KDM2A: variants seen among roughly 807,000 people sequenced by gnomAD.
The protein encoded by KDM2A is lysine demethylase 2A.
KDM2A carries 3 observed loss-of-function variants against 137.3 expected under a neutral mutation model. That is an observed-to-expected ratio of 0.02 (90% confidence interval 0.01 to 0.06). KDM2A has a LOEUF of 0.06. Among genes scored for constraint, KDM2A ranks in the 10% least tolerant of loss-of-function variants. The pLI, the probability that KDM2A is intolerant of heterozygous loss-of-function variation, is 1.00. For missense variants in KDM2A, 738 were observed against 1,510.6 expected (o/e 0.49, Z 8.48); for synonymous variants, 512 against 541.5 (o/e 0.95, Z 0.76).
intron 5 of KDM2A, among the ~76,000 whole-genome samples, chr11:67,183,541 G>T (rs1266806993): frequency 6.6e-6 from 1 of 152,214 alleles, no homozygotes; most frequent in Non-Finnish European, 1.5e-5. Context: ...CTATTTTGGA[G>T]TTCAGGAGTC....
Position 67,245,928 on chromosome 11 carries a change from C to T in KDM2A, c.1834-57C>T, listed in dbSNP as rs891026791. 1.1e-5 allele frequency: 17 copies of T among 1,597,276 alleles called. No individual in the cohort carries two copies. The highest frequency in any genetic ancestry group is 1.5e-5 in the Non-Finnish European group (17 of 1,168,232). On this transcript the variant is annotated intron_variant, in intron 14 of 20. Transcript: ENST00000529006. This position sits in a 1 kb window ranked among gnomAD's most constrained non-coding sequence, Gnocchi z 4.1. ...TCTCCCATCTTCAGTTTAAGGGAAA[C>T]TGAAATGATAAAGATCTGAGTCAGT...
chr11:67,159,504 C>T (rs764382533), intron 2 of KDM2A, among the ~76,000 whole-genome samples: 2 of 152,186 alleles, frequency 1.3e-5, no homozygotes, highest in Non-Finnish European at 2.9e-5. Flanking sequence ...TGATTGAGCA[C>T]TTCAAATTGT....
chr11:67,216,891 G>T (rs1858178232), intron 8 of KDM2A, among the ~76,000 whole-genome samples: 1 of 151,660 alleles, frequency 6.6e-6, no homozygotes, highest in South Asian at 2.1e-4. Context: ...TTGCACTCTA[G>T]CCTGGGCAAC....
Position 67,254,276 on chromosome 11 carries a change from G to A in KDM2A, c.3165G>A (p.Thr1055=), listed in dbSNP as rs145959754. ...CAGGCCTTGACATCACAGATGCCAC[G>A]CTTCGCCTCATAATTCGCCACATGC... is the stretch of plus-strand genomic sequence containing the variant. ...RLAGLDITDA[T]LRLIIRHMPL... is the part of the protein sequence containing the mutation. The change falls in exon 20 of 21, where the codon ACG becomes ACA. Residue 1055 remains threonine, a synonymous_variant. Coordinates refer to ENST00000529006, the MANE Select transcript of KDM2A (RefSeq NM_012308.3). This position sits in a 1 kb window ranked among gnomAD's most constrained non-coding sequence, Gnocchi z 4.7. 2.4e-4 allele frequency: 395 copies of A among 1,614,008 alleles called. 1 individual carries two copies. The East Asian group carries it at 5.6e-3, about 23-fold the overall frequency.
Position 67,231,937 on chromosome 11 carries a change from G to A in KDM2A, c.1456G>A (p.Asp486Asn). The A allele has an allele frequency of 6.2e-7, 1 of 1,613,432 alleles. No homozygotes were observed. The highest frequency in any genetic ancestry group is 2.2e-5 in the East Asian group (1 of 44,888). Residue 486 changes from aspartate to asparagine, a missense_variant, in exon 12 of 21, where the codon GAT becomes AAT. Asp to Asn is a conservative substitution (Grantham distance 23). Transcript: ENST00000529006. Reference protein sequence around the residue: ...KCVPTGIEDEDALIADVKILL... With the variant: ...KCVPTGIEDENALIADVKILL... ...TGTCCCCACAGGGATAGAAGATGAAGATGCTCTCATTGCTGATGTAAAGGT... is the reference window on the plus strand; with the variant it reads ...TGTCCCCACAGGGATAGAAGATGAAAATGCTCTCATTGCTGATGTAAAGGT...
rs1370262442 is a variant in KDM2A at position 67,254,393 on chromosome 11, C to T, written c.3282C>T (p.Tyr1094=). The T allele has an allele frequency of 6.2e-7, 1 of 1,614,036 alleles. No individual in the cohort carries two copies. Among genetic ancestry groups the T allele is most frequent in the South Asian group, 1.1e-5 (1 of 91,086 alleles). The change falls in exon 20 of 21, where the codon TAC becomes TAT. Residue 1094 remains tyrosine (Y), a synonymous_variant. Transcript: ENST00000529006. This position sits in a 1 kb window ranked among gnomAD's most constrained non-coding sequence, Gnocchi z 4.7. ...CTGCTGTCGGGTCTTCCACTCGCTACTCTCTCACAGAGCTCAATATGGCAG... is the reference window on the plus strand; with the variant it reads ...CTGCTGTCGGGTCTTCCACTCGCTATTCTCTCACAGAGCTCAATATGGCAG... ...LLTAVGSSTR[Y]SLTELNMAGC... is the part of the protein sequence containing the mutation.
intron 2 of KDM2A, among the ~76,000 whole-genome samples, chr11:67,170,523 C>T (rs1050268325): frequency 6.6e-6 from 1 of 151,182 alleles, no homozygotes; most frequent in African/African-American, 2.4e-5. Flanking sequence ...CACCATTCTC[C>T]TGCCTGAGCC....
chr11:67,126,875 T>C (rs1039119685), intron 2 of KDM2A, among the ~76,000 whole-genome samples: 2 of 152,138 alleles, frequency 1.3e-5, no homozygotes, highest in Non-Finnish European at 2.9e-5. Context: ...GTGGAACAGC[T>C]AGGAAATGAC....
chr11:67,181,874 G>A lies in KDM2A; in HGVS notation c.289G>A (p.Asp97Asn). 1 of 1,613,782 alleles carries A rather than the reference G, an allele frequency of 6.2e-7. No individual in the cohort carries two copies. Among genetic ancestry groups the A allele is most frequent in the Non-Finnish European group, 8.5e-7 (1 of 1,179,796 alleles). Residue 97 changes from aspartate (D) to asparagine (N), a missense_variant, in exon 5 of 21, where the codon GAT becomes AAT. By Grantham distance (23) the Asp-to-Asn change is conservative. Coordinates refer to ENST00000529006, the MANE Select transcript of KDM2A (RefSeq NM_012308.3). ...KMPDPDFTVNDVKMCVGSRRM... is the reference protein window; with the variant it reads ...KMPDPDFTVNNVKMCVGSRRM... ...GCCGGATCCAGACTTCACTGTGAAT[G>A]ATGTCAAAATGTGTGTGGGTAAGTG... is the stretch of plus-strand genomic sequence containing the variant.
At chr11:67,166,762 T>C (rs1197614990) in intron 2 of KDM2A, among the ~76,000 whole-genome samples, 1 of 151,988 alleles carries the variant, frequency 6.6e-6, no homozygotes, top group African/African-American at 2.4e-5. Context: ...CTGGTTCAGG[T>C]TGGAAACTGA....
intron 5 of KDM2A, chr11:67,196,774 T>G (rs560778352): frequency 3.4e-4 from 87 of 256,524 alleles, no homozygotes; most frequent in Non-Finnish European, 6.0e-4. Flanking sequence ...AACAGAGTTA[T>G]GGAGATGGAT....
chr11:67,217,960 A>G, intron 9 of KDM2A, 76 bp downstream of exon 9: 1 of 1,293,366 alleles, frequency 7.7e-7, no homozygotes, highest in Non-Finnish European at 1.1e-6. Context: ...ATTACCACCA[A>G]GAATAGTTAT....
chr11:67,251,736 A>C (rs1281349550), intron 17 of KDM2A, among the ~76,000 whole-genome samples: 1 of 152,216 alleles, frequency 6.6e-6, no homozygotes, highest in Non-Finnish European at 1.5e-5. Flanking sequence ...TATTGTCAGC[A>C]GCTTGCTTCT....
intron 6 of KDM2A, among the ~76,000 whole-genome samples, chr11:67,208,022 C>A (rs1857863984): frequency 6.6e-6 from 1 of 152,042 alleles, no homozygotes; most frequent in Admixed American, 6.5e-5. Context: ...CAGAACAAGA[C>A]CCTGTCTCAA....
At position 67,245,713 on chromosome 11, in the gene KDM2A, T is replaced by G. The variant is rs1859183898; in HGVS notation, c.1833+255T>G. The G allele has an allele frequency of 1.7e-6, 1 of 604,044 alleles. No individual in the cohort carries two copies. Among genetic ancestry groups the G allele is most frequent in the African/African-American group, 1.8e-5 (1 of 54,106 alleles). The allele number at this position is 604,044 out of a possible 1,614,324, so 37.4% of individuals were successfully genotyped here. On this transcript the variant is annotated intron_variant, in intron 14 of 20. Transcript: ENST00000529006. The surrounding 1 kb of genome is among the most constrained non-coding windows in gnomAD (Gnocchi z 4.1). ...ATTTGAAGGGCAAATCATTGCTTTC[T>G]TTCCCCTCTTCAGGTAGATTAGAAA...
Position 67,245,305 on chromosome 11 carries a change from T to C in KDM2A, c.1680T>C (p.Ile560=), listed in dbSNP as rs1322084353. 3.1e-6 allele frequency: 5 copies of C among 1,613,882 alleles called. No individual in the cohort carries two copies. Among genetic ancestry groups the C allele is most frequent in the Admixed American group, 1.7e-5 (1 of 60,004 alleles). ...TGAGGCCAGCTGCTGCCTCCCCGAT[T>C]GTGTCAGGAGCCAGACGGAGACGAG... ...TPVRPAAASP[I]VSGARRRRVR... is the part of the protein sequence containing the mutation. Residue 560 remains isoleucine, a synonymous_variant, in exon 14 of 21, where the codon ATT becomes ATC. Transcript: ENST00000529006. This position sits in a 1 kb window ranked among gnomAD's most constrained non-coding sequence, Gnocchi z 4.1.
At chr11:67,209,691 GTC>G (rs1415701910) in intron 6 of KDM2A, among the ~76,000 whole-genome samples, 2 of 152,116 alleles carry the variant, frequency 1.3e-5, no homozygotes, top group Non-Finnish European at 2.9e-5. Context: ...TGATCCACCT[GTC>G]TCAGCCTCCC....
rs776413447 is a variant in KDM2A at position 67,250,546 on chromosome 11, A to G, written c.2516A>G (p.His839Arg). 6.2e-7 allele frequency: 1 copy of G among 1,613,854 alleles called. No homozygotes were observed. The highest frequency in any genetic ancestry group is 8.5e-7 in the Non-Finnish European group (1 of 1,179,854). ...CATTCCCCCCGTGTGCTAGTGCAGC[A>G]CTGCCCAGCCCGAACCCCCCAGCGT... is the stretch of plus-strand genomic sequence containing the variant. ...LRHSPRVLVQ[H>R]CPARTPQRGD... The change falls in exon 17 of 21, where the codon CAC (histidine) becomes CGC (arginine). Residue 839 changes from histidine (H) to arginine (R), a missense_variant. Physicochemically the swap from His to Arg is conservative, Grantham distance 29. Coordinates refer to ENST00000529006, the MANE Select transcript of KDM2A (RefSeq NM_012308.3). This position sits in a 1 kb window ranked among gnomAD's most constrained non-coding sequence, Gnocchi z 7.1.
intron 10 of KDM2A, among the ~76,000 whole-genome samples, chr11:67,221,051 G>A (rs979523663): frequency 5.3e-5 from 8 of 150,924 alleles, no homozygotes; most frequent in African/African-American, 1.9e-4. Flanking sequence ...AACACTCCTA[G>A]TTCACAGGAA....
Sources: gnomAD v4.1 joint callset for allele counts (sites outside exome capture counted in the v4.1 genomes callset) on GRCh38, gnomAD v4.1.1 for gene constraint, Gnocchi (gnomAD v3.1) non-coding constraint, MANE v1.5 for transcripts, NCBI Gene and HGNC (gene_info 2026-07-23, HGNC 2026-07-21) for gene names.